RNF220: variants seen among roughly 807,000 people sequenced by gnomAD.
The protein encoded by RNF220 is ring finger protein 220, also known as E3 ubiquitin-protein ligase RNF220.
RNF220 carries 7 observed loss-of-function variants against 67.1 expected under a neutral mutation model. The observed-to-expected ratio is 0.10, with a 90% CI of 0.06 to 0.20. The LOEUF (loss-of-function observed/expected upper bound fraction) is 0.20. RNF220 is among the 10% of genes least tolerant of loss of function. The pLI, the probability that RNF220 is intolerant of heterozygous loss-of-function variation, is 1.00. For synonymous variants in RNF220, 270 were observed against 283.2 expected (o/e 0.95, Z 0.47); for missense variants, 565 against 740.3 (o/e 0.76, Z 2.75).
intron 12 of RNF220, chr1:44,648,574 C>T (rs185804378): frequency 2.6e-5 from 4 of 152,230 alleles, no homozygotes; most frequent in Admixed American, 2.6e-4. Context: ...CCAAGGAGTC[C>T]TGGAAATGCA....
At chr1:44,638,659 C>T (rs965220315) in intron 8 of RNF220, among the ~76,000 whole-genome samples, 4 of 152,076 alleles carry the variant, frequency 2.6e-5, no homozygotes, top group Non-Finnish European at 4.4e-5. Context: ...AAGCAGTGAA[C>T]GGGCAAGAGT....
intron 2 of RNF220, among the ~76,000 whole-genome samples, chr1:44,511,916 C>CGTGTGTGTGTGTGTGTGTGT (rs71728249): frequency 7.6e-4 from 112 of 147,800 alleles, no homozygotes; most frequent in African/African-American, 2.6e-3. Flanking sequence ...CGTGTGTGTG[C>CGTGTGTGTGTGTGTGTGTGT]GTGTGTGTGT....
chr1:44,430,524 A>C (rs1306303431), intron 2 of RNF220, among the ~76,000 whole-genome samples: 1 of 152,112 alleles, frequency 6.6e-6, no homozygotes, highest in Non-Finnish European at 1.5e-5. Flanking sequence ...CTATTCCAAA[A>C]TAAAAGTTTA....
rs1419819917 is a variant in RNF220, at chr1:44,412,204, G to A, written c.107G>A (p.Arg36His). 5.0e-6 allele frequency: 8 copies of A among 1,614,064 alleles called. No homozygotes were observed. The highest frequency in any genetic ancestry group is 2.2e-5 in the South Asian group (2 of 91,090). ...CTGGCATCCACGGCTGAGGCCAGCC[G>A]TGATGCTTCCATCCCTTGTCAGCAG... ...MVLASTAEAS[R>H]DASIPCQQPR... The change falls in exon 2 of 15, where the codon CGT becomes CAT. Residue 36 changes from arginine (R) to histidine (H), a missense_variant. Physicochemically the swap from Arg to His is conservative, Grantham distance 29 (BLOSUM62 0). Coordinates refer to ENST00000361799, the MANE Select transcript of RNF220 (RefSeq NM_018150.4). The surrounding 1 kb of genome is among the most constrained non-coding windows in gnomAD (Gnocchi z 5.3).
chr1:44,452,813 T>G (rs548236470), intron 2 of RNF220, among the ~76,000 whole-genome samples: 1 of 152,288 alleles, frequency 6.6e-6, no homozygotes, highest in Non-Finnish European at 1.5e-5. Context: ...GCCTCAGTAG[T>G]TTTTGTTCTC....
intron 2 of RNF220, among the ~76,000 whole-genome samples, chr1:44,465,263 G>T (rs1203135754): frequency 6.6e-6 from 1 of 151,934 alleles, no homozygotes; most frequent in African/African-American, 2.4e-5. Context: ...ACTGAATCTA[G>T]ATTAACTAAA....
At chr1:44,463,313 C>T (rs1653963500) in intron 2 of RNF220, among the ~76,000 whole-genome samples, 1 of 134,442 alleles carries the variant, frequency 7.4e-6, no homozygotes, top group East Asian at 2.2e-4. Flanking sequence ...CCAGCCTGGG[C>T]AACAAGAGCA....
intron 2 of RNF220, among the ~76,000 whole-genome samples, chr1:44,504,687 A>C (rs551926990): frequency 6.6e-6 from 1 of 152,148 alleles, no homozygotes; most frequent in Non-Finnish European, 1.5e-5. Flanking sequence ...CTGATACCTC[A>C]GTGACAAGAT....
intron 1 of RNF220, among the ~76,000 whole-genome samples, chr1:44,410,375 G>A (rs1033410527): frequency 1.3e-5 from 2 of 152,184 alleles, no homozygotes; most frequent in Non-Finnish European, 2.9e-5. Context: ...AGCCTAACTG[G>A]CTGTCCTTGG....
chr1:44,593,850 AG>A (rs1198732473), intron 2 of RNF220, among the ~76,000 whole-genome samples: 1 of 152,226 alleles, frequency 6.6e-6, no homozygotes, highest in African/African-American at 2.4e-5. Flanking sequence ...TGGGAGGCCA[AG>A]GCGTGGGTGG....
At chr1:44,586,581 G>A (rs1336411369) in intron 2 of RNF220, among the ~76,000 whole-genome samples, 2 of 152,092 alleles carry the variant, frequency 1.3e-5, no homozygotes, top group Non-Finnish European at 2.9e-5. Flanking sequence ...GAAATGAGGC[G>A]ACAGGCACAG....
intron 2 of RNF220, among the ~76,000 whole-genome samples, chr1:44,569,616 G>C (rs1664286730): frequency 6.6e-6 from 1 of 152,220 alleles, no homozygotes; most frequent in African/African-American, 2.4e-5. Context: ...CGCCTGTCAG[G>C]ATGGGGCTGT....
intron 2 of RNF220, among the ~76,000 whole-genome samples, chr1:44,413,109 C>T (rs1648147407): frequency 1.3e-5 from 2 of 152,120 alleles, no homozygotes; most frequent in African/African-American, 4.8e-5. Flanking sequence ...CTTTGCTGTC[C>T]TCGTTATGTT....
At chr1:44,538,918 G>GAA (rs35240810) in intron 2 of RNF220, among the ~76,000 whole-genome samples, 16 of 77,882 alleles carry the variant, frequency 2.1e-4, no homozygotes, top group South Asian at 9.0e-4. Flanking sequence ...TCCATCTAGG[G>GAA]AAAAAAAAAA....
At chr1:44,596,574 T>C (rs1437328653) in intron 2 of RNF220, among the ~76,000 whole-genome samples, 2 of 148,884 alleles carry the variant, frequency 1.3e-5, no homozygotes, top group Non-Finnish European at 3.0e-5. Context: ...AAAAAAAAAA[T>C]AGTACAGTGC....
chr1:44,454,329 A>G (rs1572552425), intron 2 of RNF220, among the ~76,000 whole-genome samples: 1 of 152,136 alleles, frequency 6.6e-6, no homozygotes, highest in Non-Finnish European at 1.5e-5. Flanking sequence ...CTCAGGTTTT[A>G]TATCTCTTCT....
intron 2 of RNF220, among the ~76,000 whole-genome samples, chr1:44,514,884 A>T (rs956756006): frequency 8.5e-5 from 13 of 152,184 alleles, no homozygotes; most frequent in Non-Finnish European, 1.5e-5. Context: ...CATGCTCCAG[A>T]TGCAAAGATT....
chr1:44,633,012 T>C (rs1250785092), intron 6 of RNF220: 1 of 152,840 alleles, frequency 6.5e-6, no homozygotes, highest in Non-Finnish European at 1.5e-5. Flanking sequence ...GTTTGCTGAA[T>C]ACAATTGAAT....
rs537606753 is a variant in RNF220 at position 44,631,893 on chromosome 1, T to C, written c.907-450T>C. 1.0e-5 allele frequency: 10 copies of C among 985,918 alleles called. No homozygotes were observed. The East Asian group carries it at 6.8e-4, about 67-fold the overall frequency. The allele number at this position is 985,918 out of a possible 1,614,324, so 61.1% of individuals were successfully genotyped here. ...TACCCGAGTACAAACGGCAGCTTCC[T>C]GGTCTCTGTCCGGCCGCCCCCGCCG... On this transcript the variant is annotated intron_variant, in intron 5 of 14. Coordinates refer to ENST00000361799, the MANE Select transcript of RNF220 (RefSeq NM_018150.4).
Sources: allele counts gnomAD v4.1 joint callset (sites outside exome capture counted in the v4.1 genomes callset), GRCh38; gene constraint gnomAD v4.1.1; non-coding constraint Gnocchi (gnomAD v3.1); transcripts MANE v1.5; gene names NCBI Gene and HGNC (gene_info 2026-07-23, HGNC 2026-07-21).